The following TPST1 variants were observed in gnomAD, a reference collection of about 807,000 sequenced individuals.
The protein encoded by TPST1 is tyrosylprotein sulfotransferase 1, also known as protein-tyrosine sulfotransferase 1.
Under a neutral mutation model 34.8 loss-of-function variants are expected in TPST1, and 20 were observed. The ratio of observed to expected loss-of-function variants is 0.57; its 90% CI spans 0.40 to 0.84. TPST1 has a LOEUF of 0.84. Among genes scored for constraint, TPST1 ranks in the 40% least tolerant of loss-of-function variants. The pLI is 0.00. For synonymous variants in TPST1, 152 were observed against 159.4 expected (o/e 0.95, Z 0.35); for missense variants, 353 against 455.5 (o/e 0.78, Z 2.05).
At chr7:66,343,997 T>C (rs1475387107) in intron 3 of TPST1, among the ~76,000 whole-genome samples, 1 of 152,166 alleles carries the variant, frequency 6.6e-6, no homozygotes, top group Non-Finnish European at 1.5e-5. Flanking sequence ...CTTGGACTTA[T>C]TGATAGAGTG....
intron 1 of TPST1, among the ~76,000 whole-genome samples, chr7:66,237,923 G>A (rs1419840053): frequency 6.6e-6 from 1 of 152,138 alleles, no homozygotes; most frequent in Non-Finnish European, 1.5e-5. Flanking sequence ...GGGAGGAAGA[G>A]AGTTTTTATT....
intron 2 of TPST1, among the ~76,000 whole-genome samples, chr7:66,242,120 A>G (rs1790048501): frequency 6.6e-6 from 1 of 152,172 alleles, no homozygotes; most frequent in South Asian, 2.1e-4. Flanking sequence ...GATGACTTAT[A>G]TACCTGGAAT....
intron 3 of TPST1, among the ~76,000 whole-genome samples, chr7:66,326,777 T>C (rs1405816832): frequency 6.6e-6 from 1 of 152,342 alleles, no homozygotes; most frequent in Non-Finnish European, 1.5e-5. Context: ...TTAAAAGAAA[T>C]AGAATTCTTC....
At chr7:66,292,734 C>T (rs563534649) in intron 3 of TPST1, among the ~76,000 whole-genome samples, 4 of 142,578 alleles carry the variant, frequency 2.8e-5, no homozygotes, top group Admixed American at 2.1e-4. Context: ...GGTGCGCACA[C>T]ACACTGGCCT....
At chr7:66,318,529 C>T (rs566806521) in intron 3 of TPST1, among the ~76,000 whole-genome samples, 3 of 151,660 alleles carry the variant, frequency 2.0e-5, no homozygotes, top group Admixed American at 6.6e-5. Flanking sequence ...TGCAGTGGCA[C>T]GATCTCAGCT....
At chr7:66,203,727 C>T (rs557430431), upstream of TPST1, among the ~76,000 whole-genome samples, 28 of 151,954 alleles carry the variant, frequency 1.8e-4, 1 homozygote, top group African/African-American at 5.8e-4. Context: ...CCTTGTGATC[C>T]GCCCACCTCG....
intron 3 of TPST1, among the ~76,000 whole-genome samples, chr7:66,286,974 A>G (rs1237740569): frequency 3.0e-5 from 4 of 133,878 alleles, no homozygotes; most frequent in Non-Finnish European, 6.4e-5. Context: ...ATCTAGCATT[A>G]GGTATATCTC....
At chr7:66,199,286 A>AT in the TPST1 span, among the ~76,000 whole-genome samples, 1 of 132,752 alleles carries the variant, frequency 7.5e-6, no homozygotes, top group South Asian at 2.3e-4. Flanking sequence ...AGACACATTC[A>AT]TCTCCTTCTT....
rs529880114 is a variant in TPST1, at chr7:66,296,254, CCCCT to C, written c.1044+9549_1044+9552del. 5.5e-5 allele frequency among the ~76,000 whole-genome samples: 2 copies of C among 36,348 alleles called. 1 individual carries two copies. The highest frequency in any genetic ancestry group is 3.3e-4 in the African/African-American group (2 of 6,030). The allele number at this position is 36,348 out of a possible 152,430, so 23.8% of individuals were successfully genotyped here. A position where few individuals can be genotyped will look rare whatever the true frequency, so the allele number is the denominator to read the frequency against. On this transcript the variant is annotated intron_variant, in intron 3 of 5. Transcript: ENST00000304842. ...TTAAAAAACACCCACCCTTCCCCCC[CCCCT>C]CCCCCACCGTCTCTGCCTATCTTTA...
intron 2 of TPST1, among the ~76,000 whole-genome samples, chr7:66,261,487 A>G (rs759952913): frequency 7.0e-4 from 106 of 151,982 alleles, no homozygotes; most frequent in Admixed American, 1.5e-3. Flanking sequence ...ATTAGTGCTC[A>G]CCTTTAAATT....
At chr7:66,270,255 G>C (rs1376002377) in intron 2 of TPST1, among the ~76,000 whole-genome samples, 1 of 152,076 alleles carries the variant, frequency 6.6e-6, no homozygotes, top group Non-Finnish European at 1.5e-5. Context: ...AGTGTGTGAA[G>C]GTCAGGTTAT....
chr7:66,251,156 G>A (rs528997910), intron 2 of TPST1, among the ~76,000 whole-genome samples: 147 of 152,252 alleles, frequency 9.7e-4, no homozygotes, highest in African/African-American at 3.3e-3. Flanking sequence ...TAGGGTTGTC[G>A]TGAGGATTTA....
intron 1 of TPST1, among the ~76,000 whole-genome samples, chr7:66,218,880 T>C (rs2116272870): frequency 6.6e-6 from 1 of 151,372 alleles, no homozygotes; most frequent in Middle Eastern, 3.4e-3. Flanking sequence ...TAGTGTTTTA[T>C]TTTATTTTAT....
chr7:66,271,464 AC>A (rs1790704072), intron 2 of TPST1, among the ~76,000 whole-genome samples: 1 of 152,188 alleles, frequency 6.6e-6, no homozygotes, highest in Admixed American at 6.5e-5. Context: ...GGCGTGAGCC[AC>A]CGTGCCTGGC....
intron 3 of TPST1, among the ~76,000 whole-genome samples, chr7:66,304,782 T>G (rs547352353): frequency 1.3e-5 from 2 of 152,138 alleles, no homozygotes; most frequent in African/African-American, 4.8e-5. Context: ...TTTGATATCC[T>G]AAAACTTACA....
At position 66,240,404 on chromosome 7, in the gene TPST1, A is replaced by T. The variant is rs771035304; in HGVS notation, c.-22A>T. On this transcript the variant is annotated 5_prime_UTR_variant, in exon 2 of 6. An upstream open reading frame in the 5' UTR loses its in-frame stop. Coordinates refer to ENST00000304842, the MANE Select transcript of TPST1 (RefSeq NM_003596.4). The stretch of plus-strand genomic sequence containing the variant: ...TCATTTTGAGCAAAATATCTGTTTA[A>T]TAACAAGATAACCACATCAAGATGG... 1.1e-5 allele frequency: 18 copies of T among 1,602,134 alleles called. No individual in the cohort carries two copies. Among genetic ancestry groups the T allele is most frequent in the Non-Finnish European group, 1.4e-5 (17 of 1,173,146 alleles).
intron 2 of TPST1, among the ~76,000 whole-genome samples, chr7:66,281,571 ATCT>A (rs1383458105): frequency 2.0e-5 from 3 of 152,176 alleles, no homozygotes; most frequent in Admixed American, 1.3e-4. Flanking sequence ...ACATTTTAAA[ATCT>A]TCTTTCACAA....
intron 4 of TPST1, chr7:66,353,055 C>A: frequency 1.0e-6 from 1 of 966,984 alleles, no homozygotes. Flanking sequence ...TGGCTCATGC[C>A]TGTAATCCCA....
intron 1 of TPST1, among the ~76,000 whole-genome samples, chr7:66,206,666 C>T (rs1789137031): frequency 6.6e-6 from 1 of 152,200 alleles, no homozygotes; most frequent in Non-Finnish European, 1.5e-5. Context: ...TCTCCATCCC[C>T]ATCTGCAGTG....
Sources: gnomAD v4.1 joint callset for allele counts (sites outside exome capture counted in the v4.1 genomes callset) on GRCh38, gnomAD v4.1.1 for gene constraint, MANE v1.5 for transcripts, NCBI Gene and HGNC (gene_info 2026-07-23, HGNC 2026-07-21) for gene names.